The following BBS4 variants were observed in gnomAD, a reference collection of about 807,000 sequenced individuals.
The protein encoded by BBS4 is Bardet-Biedl syndrome 4.
BBS4 carries 58 observed loss-of-function variants against 71.4 expected under a neutral mutation model. That is an observed-to-expected ratio of 0.81 (90% confidence interval 0.66 to 1.01). The LOEUF is 1.01. BBS4 is among the 50% of genes least tolerant of loss of function. The probability of loss-of-function intolerance (pLI) is 0.00; values close to 1 mark genes in which losing one functional copy is unlikely to be tolerated. For synonymous variants in BBS4, 228 were observed against 216.8 expected (o/e 1.05, Z -0.46); for missense variants, 660 against 607.9 (o/e 1.09, Z -0.90).
intron 6 of BBS4, among the ~76,000 whole-genome samples, chr15:72,720,094 TTTTTA>T (rs2065541368): frequency 6.6e-6 from 1 of 152,092 alleles, no homozygotes; most frequent in African/African-American, 2.4e-5. Context: ...CTTCATGGCA[TTTTTA>T]TTTTCTTTTT....
At chr15:72,720,780 C>T (rs915999765) in intron 6 of BBS4, among the ~76,000 whole-genome samples, 3 of 152,226 alleles carry the variant, frequency 2.0e-5, no homozygotes, top group East Asian at 1.9e-4. Flanking sequence ...ATCTTTTCCA[C>T]TGTACCAACT....
intron 2 of BBS4, among the ~76,000 whole-genome samples, 159 bp from the exon 3 acceptor site, chr15:72,709,539 CTA>C (rs112339482): frequency 0.013 from 1,977 of 152,178 alleles, 46 homozygotes; most frequent in African/African-American, 0.045. Context: ...GTTTAATAGT[CTA>C]TAAATTTTTG....
chr15:72,722,894 G>A, intron 7 of BBS4, 47 bp downstream of exon 7: 5 of 1,542,176 alleles, frequency 3.2e-6, no homozygotes, highest in Non-Finnish European at 4.5e-6. Flanking sequence ...TGCACTTGTT[G>A]CAGAAGTTGT....
intron 2 of BBS4, among the ~76,000 whole-genome samples, chr15:72,699,140 T>A (rs1164065289): frequency 1.3e-5 from 2 of 151,938 alleles, no homozygotes; most frequent in Non-Finnish European, 2.9e-5. Context: ...ATGGATGAGC[T>A]AAGCATTTTT....
intron 1 of BBS4, among the ~76,000 whole-genome samples, chr15:72,689,378 C>T (rs2064940114): frequency 6.6e-6 from 1 of 152,172 alleles, no homozygotes; most frequent in South Asian, 2.1e-4. Context: ...GCTACCAGTT[C>T]CTTAGAAGGA....
At chr15:72,698,749 C>T (rs1343422719) in intron 2 of BBS4, among the ~76,000 whole-genome samples, 1 of 152,114 alleles carries the variant, frequency 6.6e-6, no homozygotes, top group African/African-American at 2.4e-5. Context: ...ATTTCCTGTA[C>T]TGTATATAAT....
At position 72,711,081 on chromosome 15, in the gene BBS4, G is replaced by A. The variant is rs144749773; in HGVS notation, c.157-1163G>A. 4.0e-3 allele frequency among the ~76,000 whole-genome samples: 612 copies of A among 151,136 alleles called. 5 individuals are homozygous for A. In the Middle Eastern group the frequency reaches 0.065, roughly 16 times the overall value. The stretch of plus-strand genomic sequence containing the variant: ...CTCCCAAAGTGCTGGGATTACAGGC[G>A]TGAGCCACCGCACCCGGCCCATACC... On this transcript the variant is annotated intron_variant, in intron 3 of 15. Transcript: ENST00000268057.
At chr15:72,689,363 G>A (rs1321561349) in intron 1 of BBS4, among the ~76,000 whole-genome samples, 1 of 152,144 alleles carries the variant, frequency 6.6e-6, no homozygotes, top group Non-Finnish European at 1.5e-5. Flanking sequence ...AATTACTTAC[G>A]GATTGCTACC....
intron 1 of BBS4, chr15:72,686,648 G>A: frequency 2.8e-6 from 3 of 1,068,886 alleles, no homozygotes; most frequent in Non-Finnish European, 2.6e-6. Flanking sequence ...CAGCGTCACT[G>A]CCTTCTGCCA....
At chr15:72,721,058 G>T (rs1178204054) in intron 6 of BBS4, among the ~76,000 whole-genome samples, 1 of 152,110 alleles carries the variant, frequency 6.6e-6, no homozygotes, top group Non-Finnish European at 1.5e-5. Context: ...CTCTCTCCAT[G>T]CATGCATTCT....
In BBS4 at chr15:72,738,243, G is replaced by A. The variant is rs2065966671; in HGVS notation, c.*656G>A. 1 of 453,892 alleles carries A rather than the reference G, an allele frequency of 2.2e-6. No homozygotes were observed. Among genetic ancestry groups the A allele is most frequent in the African/African-American group, 2.0e-5 (1 of 49,968 alleles). The allele number at this position is 453,892 out of a possible 1,614,324, so 28.1% of individuals were successfully genotyped here. A position where few individuals can be genotyped will look rare whatever the true frequency, so the allele number is the denominator to read the frequency against. ...AAGCTAGATCCTATCAGGATGAGGA[G>A]CAGCAGCCCAGGGCTTGTCTGGATC... On this transcript the variant is annotated 3_prime_UTR_variant, in exon 16 of 16. Transcript: ENST00000268057.
intron 12 of BBS4, among the ~76,000 whole-genome samples, chr15:72,732,158 T>C (rs1595948689): frequency 1.3e-5 from 2 of 152,212 alleles, no homozygotes; most frequent in East Asian, 1.9e-4. Flanking sequence ...ACTGGTTTTG[T>C]TGAAATACTG....
At position 72,735,911 on chromosome 15, in the gene BBS4, TGGA is replaced by T. The variant is rs953900553; in HGVS notation, c.1195_1197del (p.Glu399del). On this transcript the variant is annotated inframe_deletion, in exon 14 of 16. Coordinates refer to ENST00000268057, the MANE Select transcript of BBS4 (RefSeq NM_033028.5). ...AACGCCCTGGCCCAATATCAGGAGA[TGGA>T]GAAGAAAGTCAGCCTACTCAAGGAC... 1 of 1,613,956 alleles carries T rather than the reference TGGA, an allele frequency of 6.2e-7. No homozygotes were observed. Among genetic ancestry groups the T allele is most frequent in the African/African-American group, 1.3e-5 (1 of 74,882 alleles).
At position 72,737,613 on chromosome 15, in the gene BBS4, G is replaced by A. The variant is rs568943695; in HGVS notation, c.*26G>A. ...GAATAGAATGAATGACCCCAAAATA[G>A]GGTTTTCTTGGGCGAGGATGTGCTG... On this transcript the variant is annotated 3_prime_UTR_variant, in exon 16 of 16. Coordinates refer to ENST00000268057, the MANE Select transcript of BBS4 (RefSeq NM_033028.5). The A allele has an allele frequency of 2.6e-6, 4 of 1,538,894 alleles. No homozygotes were observed. In the East Asian group the frequency reaches 7.0e-5, roughly 27 times the overall value.
intron 8 of BBS4, among the ~76,000 whole-genome samples, chr15:72,725,038 CTATA>C (rs67509027): frequency 0.1 from 13,931 of 135,348 alleles, 1,069 homozygotes; most frequent in East Asian, 0.38. Context: ...AAGCATCTGG[CTATA>C]TATATATATA....
intron 3 of BBS4, among the ~76,000 whole-genome samples, chr15:72,710,216 T>TTTA (rs1567411001): frequency 8.2e-5 from 12 of 146,644 alleles, no homozygotes; most frequent in Middle Eastern, 3.4e-3. Flanking sequence ...TTTTTTTTTT[T>TTTA]TTTTGAGATG....
In BBS4 at chr15:72,731,181, C is replaced by G. The variant is rs925605037; in HGVS notation, c.712-124C>G. The stretch of plus-strand genomic sequence containing the variant: ...CAATAGGTTGGATATATTTATGTCC[C>G]TGGAAGAAATTTTCCAGTCCCATCT... On this transcript the variant is annotated intron_variant, in intron 10 of 15. Coordinates refer to ENST00000268057, the MANE Select transcript of BBS4 (RefSeq NM_033028.5). 3.5e-6 allele frequency: 4 copies of G among 1,132,426 alleles called. No homozygotes were observed. In the African/African-American group the frequency reaches 5.1e-5, roughly 14 times the overall value. 70.1% of individuals were successfully genotyped at this position (1,132,426 alleles called of 1,614,324 possible).
chr15:72,724,354 C>G (rs530351404), intron 7 of BBS4, among the ~76,000 whole-genome samples, 174 bp from the exon 8 acceptor site: 1 of 152,328 alleles, frequency 6.6e-6, no homozygotes, highest in South Asian at 2.1e-4. Context: ...TGCCAGCTGT[C>G]TTTTCAACAA....
At chr15:72,735,041 TG>T (rs747354760) in intron 12 of BBS4, 71 bp from the exon 13 acceptor site, 2 of 1,119,440 alleles carry the variant, frequency 1.8e-6, no homozygotes, top group Non-Finnish European at 2.7e-6. Context: ...AAGTTTACTT[TG>T]GGGGTAGTCT....
Sources: gnomAD v4.1 joint callset for allele counts (sites outside exome capture counted in the v4.1 genomes callset) on GRCh38, gnomAD v4.1.1 for gene constraint, MANE v1.5 for transcripts, NCBI Gene and HGNC (gene_info 2026-07-23, HGNC 2026-07-21) for gene names.